The following NTM variants were observed in gnomAD, a reference collection of about 807,000 sequenced individuals.
NTM encodes the protein neurotrimin, also known as IgLON family member 2.
NTM carries 13 observed loss-of-function variants against 42.1 expected under a neutral mutation model. That is an observed-to-expected ratio of 0.31 (90% confidence interval 0.20 to 0.49). NTM has a LOEUF of 0.49. Among genes scored for constraint, NTM ranks in the 20% least tolerant of loss-of-function variants. NTM has a pLI of 0.99. For synonymous variants in NTM, 187 were observed against 179.2 expected (o/e 1.04, Z -0.35); for missense variants, 373 against 452.8 (o/e 0.82, Z 1.60).
At position 131,607,763 on chromosome 11, in the gene NTM, A is replaced by G. The variant is rs371020965; in HGVS notation, c.82+236875A>G. ...ATGATTGTTGTACGTATTTACCATC[A>G]CTCTCCATGCTAGATTGTAAACTGG... On this transcript the variant is annotated intron_variant, in intron 1 of 8. Transcript: ENST00000683400. Among the ~76,000 whole-genome samples, 18 of 152,060 alleles carry G rather than the reference A, an allele frequency of 1.2e-4. 1 individual carries two copies. The South Asian group carries it at 3.3e-3, about 28-fold the overall frequency.
chr11:131,740,458 A>G (rs150578169), intron 1 of NTM, among the ~76,000 whole-genome samples: 19 of 152,338 alleles, frequency 1.2e-4, no homozygotes, highest in Middle Eastern at 3.4e-3. Context: ...TTATCCACAA[A>G]ATAGTTCTTA....
chr11:131,472,634 C>G (rs1952547243), intron 1 of NTM, among the ~76,000 whole-genome samples: 1 of 152,120 alleles, frequency 6.6e-6, no homozygotes, highest in Non-Finnish European at 1.5e-5. Context: ...ACAATTTCAG[C>G]ACTACTTTCT....
At chr11:131,565,123 G>A (rs1267057483) in intron 1 of NTM, among the ~76,000 whole-genome samples, 1 of 152,212 alleles carries the variant, frequency 6.6e-6, no homozygotes, top group African/African-American at 2.4e-5. Context: ...TGGCGCGCAT[G>A]TTGGTGGTCT....
intron 2 of NTM, among the ~76,000 whole-genome samples, chr11:131,960,809 A>C (rs1038704925): frequency 8.5e-5 from 13 of 152,160 alleles, no homozygotes; most frequent in African/African-American, 3.1e-4. Flanking sequence ...GGTCTGTTAC[A>C]TCCAGTAGCT....
Position 132,146,524 on chromosome 11 carries a change from C to T in NTM, c.400+10C>T, listed in dbSNP as rs199839634. The T allele has an allele frequency of 7.5e-6, 12 of 1,610,272 alleles. No individual in the cohort carries two copies. Among genetic ancestry groups the T allele is most frequent in the Admixed American group, 1.7e-5 (1 of 59,866 alleles). ...CACCTCATTGTGCAAGGTAGGTGGG[C>T]GGGGCTTGGCGGGGAGATCTGGCTG... On this transcript the variant is annotated intron_variant, in intron 3 of 8. Transcript: ENST00000683400. The surrounding 1 kb of genome is among the most constrained non-coding windows in gnomAD (Gnocchi z 4.5).
chr11:132,193,544 A>G (rs1422188755), intron 3 of NTM, among the ~76,000 whole-genome samples: 1 of 152,138 alleles, frequency 6.6e-6, no homozygotes, highest in Non-Finnish European at 1.5e-5. Flanking sequence ...AGTGCTAAAA[A>G]CTTACATCAA....
chr11:131,625,531 T>G (rs1311801346), intron 1 of NTM, among the ~76,000 whole-genome samples: 1 of 150,726 alleles, frequency 6.6e-6, no homozygotes, highest in Non-Finnish European at 1.5e-5. Context: ...ACTGAAAAGA[T>G]GAAGGAGGGA....
chr11:132,265,780 C>A (rs1198221391), intron 4 of NTM, among the ~76,000 whole-genome samples: 1 of 152,136 alleles, frequency 6.6e-6, no homozygotes, highest in African/African-American at 2.4e-5. Context: ...TCATTCATTT[C>A]TAATAACAAC....
chr11:131,451,303 T>C (rs1229425202), intron 1 of NTM, among the ~76,000 whole-genome samples: 1 of 152,162 alleles, frequency 6.6e-6, no homozygotes, highest in East Asian at 1.9e-4. Context: ...AAAAGAGAAC[T>C]GTATAGATGA....
At chr11:131,619,066 A>G (rs1426811125) in intron 1 of NTM, among the ~76,000 whole-genome samples, 1 of 152,158 alleles carries the variant, frequency 6.6e-6, no homozygotes, top group Non-Finnish European at 1.5e-5. Flanking sequence ...TAGCAACAAA[A>G]AGATGTGAAG....
chr11:131,769,196 T>C (rs1207876439), intron 1 of NTM, among the ~76,000 whole-genome samples: 1 of 152,210 alleles, frequency 6.6e-6, no homozygotes, highest in Non-Finnish European at 1.5e-5. Context: ...CCTAAGGTTT[T>C]CCTAGGTTTA....
intron 7 of NTM, among the ~76,000 whole-genome samples, chr11:132,327,219 G>A (rs1056645103): frequency 2.0e-5 from 3 of 152,156 alleles, no homozygotes; most frequent in Non-Finnish European, 4.4e-5. Flanking sequence ...AAACTCAGCG[G>A]CTCCGTGGCT....
chr11:132,243,399 G>A (rs185331350), intron 4 of NTM, among the ~76,000 whole-genome samples: 8 of 152,282 alleles, frequency 5.3e-5, no homozygotes, highest in African/African-American at 1.7e-4. Flanking sequence ...TTGGGGGTAC[G>A]TCGAGGCATT....
chr11:132,014,467 G>T (rs541812651), intron 2 of NTM, among the ~76,000 whole-genome samples: 2 of 152,044 alleles, frequency 1.3e-5, no homozygotes, highest in East Asian at 1.9e-4. Context: ...ATAAATCTTT[G>T]TATTGTTTCC....
At chr11:131,973,415 C>T (rs1378947627) in intron 2 of NTM, among the ~76,000 whole-genome samples, 1 of 152,222 alleles carries the variant, frequency 6.6e-6, no homozygotes, top group Non-Finnish European at 1.5e-5. Context: ...GACTGGTGAA[C>T]CTTTATTAGT....
chr11:132,000,825 C>T (rs1262964255), intron 2 of NTM, among the ~76,000 whole-genome samples: 1 of 152,118 alleles, frequency 6.6e-6, no homozygotes, highest in Non-Finnish European at 1.5e-5. Context: ...CAATTACTTA[C>T]TAAACACTGT....
At chr11:132,126,697 G>A (rs117909034) in intron 2 of NTM, among the ~76,000 whole-genome samples, 1,970 of 152,314 alleles carry the variant, frequency 0.013, 19 homozygotes, top group Non-Finnish European at 0.02. Context: ...TGGAAATGCG[G>A]AAGGAGAAAG....
chr11:131,691,102 C>G (rs2074620923), intron 1 of NTM, among the ~76,000 whole-genome samples: 1 of 152,298 alleles, frequency 6.6e-6, no homozygotes, highest in East Asian at 1.9e-4. Context: ...CACTCTGGAG[C>G]CGGGGAGCCC....
At chr11:131,579,958 C>T (rs989471583) in intron 1 of NTM, among the ~76,000 whole-genome samples, 1 of 152,180 alleles carries the variant, frequency 6.6e-6, no homozygotes, top group African/African-American at 2.4e-5. Flanking sequence ...CAACATTTTT[C>T]TCTGCCATCT....
Sources: gnomAD v4.1 joint callset for allele counts (sites outside exome capture counted in the v4.1 genomes callset) on GRCh38, gnomAD v4.1.1 for gene constraint, Gnocchi (gnomAD v3.1) non-coding constraint, MANE v1.5 for transcripts, NCBI Gene and HGNC (gene_info 2026-07-23, HGNC 2026-07-21) for gene names.